Variants in GLIS3 observed in about 807,000 individuals in gnomAD.
GLIS3 encodes zinc finger protein GLIS3.
Under a neutral mutation model 78.6 loss-of-function variants are expected in GLIS3, and 53 were observed. The observed-to-expected ratio is 0.67, with a 90% CI of 0.54 to 0.85. The LOEUF is 0.85. Among genes scored for constraint, GLIS3 ranks in the 40% least tolerant of loss-of-function variants. The pLI, the probability that GLIS3 is intolerant of heterozygous loss-of-function variation, is 0.00. For missense variants in GLIS3, 1,703 were observed against 1,231.1 expected (o/e 1.38, Z -5.74); for synonymous variants, 684 against 509.9 (o/e 1.34, Z -4.60).
chr9:4,028,081 A>C (rs1823498960), intron 4 of GLIS3, among the ~76,000 whole-genome samples: 4 of 152,192 alleles, frequency 2.6e-5, no homozygotes, highest in Non-Finnish European at 5.9e-5. Flanking sequence ...TTCATCCTTT[A>C]AATAAATAGT....
At chr9:4,161,501 TTA>T (rs1835471319) in intron 2 of GLIS3, among the ~76,000 whole-genome samples, 1 of 152,038 alleles carries the variant, frequency 6.6e-6, no homozygotes, top group Admixed American at 6.6e-5. Context: ...CTTTTCCCCT[TTA>T]GTCAGTGTCT....
intron 7 of GLIS3, among the ~76,000 whole-genome samples, chr9:3,884,268 G>A (rs1563811235): frequency 6.6e-6 from 1 of 151,648 alleles, no homozygotes; most frequent in Admixed American, 6.6e-5. Flanking sequence ...AAGAGTGTTA[G>A]TAGCATCCCC....
chr9:4,401,010 T>G, the GLIS3 span, among the ~76,000 whole-genome samples: 1 of 152,164 alleles, frequency 6.6e-6, no homozygotes, highest in Non-Finnish European at 1.5e-5. Context: ...TGATGAAACA[T>G]TCTTCTGTTT....
rs928657830 is a variant in GLIS3, at chr9:3,826,606, T to G, written c.*1666A>C. Reference sequence around the variant, plus strand: ...ACAAAACCCACACTTGGTTCTTCATTCACCTCATTCTACTGCATGTTGGAA... The same window carrying G: ...ACAAAACCCACACTTGGTTCTTCATGCACCTCATTCTACTGCATGTTGGAA... On this transcript the variant is annotated 3_prime_UTR_variant, in exon 11 of 11. Coordinates refer to ENST00000381971, the MANE Select transcript of GLIS3 (RefSeq NM_001042413.2). 5.3e-5 allele frequency: 8 copies of G among 152,204 alleles called. 2 individuals carry two copies. The highest frequency in any genetic ancestry group is 5.2e-4 in the Admixed American group (8 of 15,286). 9.4% of individuals were successfully genotyped at this position (152,204 alleles called of 1,614,324 possible). A position where few individuals can be genotyped will look rare whatever the true frequency, so the allele number is the denominator to read the frequency against.
intron 2 of GLIS3, among the ~76,000 whole-genome samples, chr9:4,183,308 G>T (rs1232957846): frequency 6.6e-6 from 1 of 152,134 alleles, no homozygotes; most frequent in African/African-American, 2.4e-5. Flanking sequence ...TTTTAAGGAT[G>T]CAACATTAAC....
Position 4,118,064 on chromosome 9 carries a change from C to A in GLIS3, c.1414G>T (p.Glu472Ter). The change falls in exon 4 of 11, where the codon GAG (glutamate) becomes TAG (stop). Residue 472 changes from glutamate (E) to a stop codon, truncating the protein, a stop_gained. Coordinates refer to ENST00000381971, the MANE Select transcript of GLIS3 (RefSeq NM_001042413.2). LOFTEE classifies it high-confidence loss of function. The surrounding 1 kb of genome is among the most constrained non-coding windows in gnomAD (Gnocchi z 4.7). ...YHAHAHLHHPELGPHAQQLAL... is the reference protein window; with the variant it reads ...YHAHAHLHHP ...AGCTGCTGGGCGTGGGGCCCGAGCT[C>A]CGGGTGGTGAAGGTGCGCATGGGCA... 1 of 1,572,380 alleles carries A rather than the reference C, an allele frequency of 6.4e-7. No individual in the cohort carries two copies. The highest frequency in any genetic ancestry group is 8.6e-7 in the Non-Finnish European group (1 of 1,158,060).
At chr9:4,292,520 T>C (rs1030774926) in intron 1 of GLIS3, among the ~76,000 whole-genome samples, 1 of 152,078 alleles carries the variant, frequency 6.6e-6, no homozygotes, top group East Asian at 1.9e-4. Context: ...GTAAAATAAA[T>C]AACAAAATAT....
intron 4 of GLIS3, among the ~76,000 whole-genome samples, chr9:4,013,473 T>C (rs1379591611): frequency 6.6e-6 from 1 of 152,234 alleles, no homozygotes; most frequent in Non-Finnish European, 1.5e-5. Context: ...TTTCATTCTA[T>C]ATGACTGTAG....
At chr9:4,052,792 A>C (rs1346319921) in intron 4 of GLIS3, among the ~76,000 whole-genome samples, 2 of 152,150 alleles carry the variant, frequency 1.3e-5, no homozygotes, top group Non-Finnish European at 2.9e-5. Flanking sequence ...ATTCATGTAA[A>C]CGTTTTTGTT....
intron 4 of GLIS3, among the ~76,000 whole-genome samples, chr9:3,959,420 AG>A (rs1817387018): frequency 6.6e-6 from 1 of 152,206 alleles, no homozygotes; most frequent in Non-Finnish European, 1.5e-5. Context: ...GCAGCCTGAG[AG>A]GACTAAGGCA....
At chr9:4,042,023 C>G (rs1824853932) in intron 4 of GLIS3, among the ~76,000 whole-genome samples, 1 of 152,222 alleles carries the variant, frequency 6.6e-6, no homozygotes, top group Non-Finnish European at 1.5e-5. Context: ...ACTGTGCTGA[C>G]AGAACCTCTC....
At chr9:4,469,923 G>C in the GLIS3 span, among the ~76,000 whole-genome samples, 1 of 152,022 alleles carries the variant, frequency 6.6e-6, no homozygotes, top group African/African-American at 2.4e-5. Flanking sequence ...AAATCAAATA[G>C]AGGCTATAGA....
chr9:4,135,524 A>G (rs1319288980), intron 2 of GLIS3, among the ~76,000 whole-genome samples: 1 of 152,192 alleles, frequency 6.6e-6, no homozygotes, highest in Admixed American at 6.5e-5. Context: ...TCTAAGCATT[A>G]TTACTTATTA....
chr9:4,298,510 AG>A, intron 1 of GLIS3: 1 of 435,456 alleles, frequency 2.3e-6, no homozygotes, highest in South Asian at 1.6e-5. Context: ...GCTCGGGGCA[AG>A]GTGTGTGTCT....
At chr9:3,833,635 C>G (rs1057035368) in intron 9 of GLIS3, among the ~76,000 whole-genome samples, 2 of 152,162 alleles carry the variant, frequency 1.3e-5, no homozygotes, top group Admixed American at 6.5e-5. Flanking sequence ...AAATGTAAGA[C>G]ATCATCCTTG....
At chr9:4,361,344 CT>C in the GLIS3 span, among the ~76,000 whole-genome samples, 3 of 152,328 alleles carry the variant, frequency 2.0e-5, no homozygotes, top group East Asian at 3.9e-4. Context: ...GCTGAAATAT[CT>C]CTTGCAATTG....
chr9:3,913,808 A>T (rs923001449), intron 6 of GLIS3, among the ~76,000 whole-genome samples: 1 of 152,246 alleles, frequency 6.6e-6, no homozygotes, highest in Admixed American at 6.5e-5. Flanking sequence ...AAAAGACAAA[A>T]AGGGCTTTAT....
chr9:4,479,056 T>C, the GLIS3 span, among the ~76,000 whole-genome samples: 1 of 152,202 alleles, frequency 6.6e-6, no homozygotes, highest in Non-Finnish European at 1.5e-5. Context: ...CCTTTATTTT[T>C]TTAAATATAT....
At chr9:4,042,337 T>C (rs1261970221) in intron 4 of GLIS3, among the ~76,000 whole-genome samples, 2 of 152,216 alleles carry the variant, frequency 1.3e-5, no homozygotes, top group Admixed American at 6.5e-5. Flanking sequence ...GGAACAGTGT[T>C]AACTGTCAGC....
Sources: allele counts gnomAD v4.1 joint callset (sites outside exome capture counted in the v4.1 genomes callset), GRCh38; gene constraint gnomAD v4.1.1; non-coding constraint Gnocchi (gnomAD v3.1); transcripts MANE v1.5; gene names NCBI Gene and HGNC (gene_info 2026-07-23, HGNC 2026-07-21).